XRCC4: variants seen among roughly 807,000 people sequenced by gnomAD.
XRCC4 encodes the protein DNA repair protein XRCC4.
In XRCC4, 28 loss-of-function variants were observed where a neutral mutation model predicts 39.1. The ratio of observed to expected loss-of-function variants is 0.72; its 90% confidence interval spans 0.53 to 0.98. The LOEUF (loss-of-function observed/expected upper bound fraction) is 0.98. Ranked by LOEUF, XRCC4 falls within the 50% of genes least tolerant of loss-of-function variation. XRCC4 has a pLI of 0.00. For missense variants in XRCC4, 350 were observed against 376.4 expected (o/e 0.93, Z 0.58); for synonymous variants, 123 against 126.4 (o/e 0.97, Z 0.18).
At chr5:83,281,742 C>T (rs1165135033) in intron 7 of XRCC4, among the ~76,000 whole-genome samples, 2 of 152,104 alleles carry the variant, frequency 1.3e-5, no homozygotes, top group African/African-American at 4.8e-5. Context: ...TTTTTATGTT[C>T]ATCATTTATA....
At chr5:83,312,148 G>C (rs947312410) in intron 7 of XRCC4, among the ~76,000 whole-genome samples, 1 of 152,164 alleles carries the variant, frequency 6.6e-6, no homozygotes, top group Admixed American at 6.5e-5. Context: ...GACTTTGCTT[G>C]TTGGGGCTAA....
chr5:83,365,512 G>C, the XRCC4 span, among the ~76,000 whole-genome samples: 9 of 152,150 alleles, frequency 5.9e-5, no homozygotes, highest in Non-Finnish European at 1.5e-5. Flanking sequence ...TCATGGGAAA[G>C]CGTGATGTCT....
In XRCC4 at chr5:83,112,546, G is replaced by A. The variant is rs28383157; in HGVS notation, c.315+1343G>A. On this transcript the variant is annotated intron_variant, in intron 3 of 7. Coordinates refer to ENST00000396027, the MANE Select transcript of XRCC4 (RefSeq NM_003401.5). ...AAATTTTTGACATGCTAAAAGACGG[G>A]GCTTGGTACAGTTGGCATGTATATT... 2.5e-3 allele frequency among the ~76,000 whole-genome samples: 374 copies of A among 152,234 alleles called. 2 individuals carry two copies. Among genetic ancestry groups the A allele is most frequent in the African/African-American group, 8.6e-3 (357 of 41,548 alleles).
intron 3 of XRCC4, among the ~76,000 whole-genome samples, chr5:83,177,087 T>G (rs1406352416): frequency 6.6e-6 from 1 of 152,242 alleles, no homozygotes; most frequent in East Asian, 1.9e-4. Context: ...TTATCAATTT[T>G]CTATTTGTAA....
At chr5:83,156,724 A>G (rs1168579983) in intron 3 of XRCC4, among the ~76,000 whole-genome samples, 1 of 152,152 alleles carries the variant, frequency 6.6e-6, no homozygotes, top group Non-Finnish European at 1.5e-5. Flanking sequence ...TGCAAAGCCA[A>G]GAATAGTAGA....
At chr5:83,110,947 A>G (rs1355839124) in intron 2 of XRCC4, 81 bp from the exon 3 acceptor site, 13 of 1,274,304 alleles carry the variant, frequency 1.0e-5, no homozygotes, top group Non-Finnish European at 1.4e-5. Context: ...GTGATAAATT[A>G]GTACTAACAG....
At chr5:83,103,288 A>T (rs575863794) in intron 1 of XRCC4, among the ~76,000 whole-genome samples, 1 of 152,122 alleles carries the variant, frequency 6.6e-6, no homozygotes, top group East Asian at 1.9e-4. Flanking sequence ...GTTGCAAAGT[A>T]CTTAACAAAT....
At chr5:83,359,843 AT>A in the XRCC4 span, among the ~76,000 whole-genome samples, 1 of 152,178 alleles carries the variant, frequency 6.6e-6, no homozygotes, top group Non-Finnish European at 1.5e-5. Flanking sequence ...GGAAAATAAA[AT>A]CAATTTTATA....
intron 7 of XRCC4, among the ~76,000 whole-genome samples, chr5:83,274,957 A>G (rs146729911): frequency 5.9e-5 from 9 of 152,332 alleles, no homozygotes; most frequent in African/African-American, 2.2e-4. Context: ...GTAAGGAGTT[A>G]TCACTGTGTG....
chr5:83,241,296 A>G (rs1752899457), intron 6 of XRCC4, among the ~76,000 whole-genome samples: 1 of 151,926 alleles, frequency 6.6e-6, no homozygotes, highest in Non-Finnish European at 1.5e-5. Flanking sequence ...GAAAATAAAG[A>G]TTTTAGTTGT....
intron 1 of XRCC4, among the ~76,000 whole-genome samples, chr5:83,079,964 G>A (rs930423440): frequency 2.6e-5 from 4 of 152,162 alleles, no homozygotes; most frequent in Non-Finnish European, 4.4e-5. Flanking sequence ...GTGCACAGGT[G>A]TCCTCAGTGT....
intron 6 of XRCC4, among the ~76,000 whole-genome samples, chr5:83,254,088 T>A (rs551126866): frequency 2.3e-4 from 34 of 150,536 alleles, no homozygotes; most frequent in Admixed American, 6.6e-4. Context: ...TTTGTTTTTT[T>A]TTTTTTCTTT....
At chr5:83,346,346 G>A (rs1756916451) in intron 7 of XRCC4, among the ~76,000 whole-genome samples, 1 of 152,128 alleles carries the variant, frequency 6.6e-6, no homozygotes, top group African/African-American at 2.4e-5. Flanking sequence ...GCAGTGACCT[G>A]ACCAAAATTT....
chr5:83,293,176 T>C (rs28360276), intron 7 of XRCC4, among the ~76,000 whole-genome samples: 3,668 of 152,076 alleles, frequency 0.024, 138 homozygotes, highest in African/African-American at 0.083. Context: ...AACCCTGTAG[T>C]AGACATTCTT....
chr5:83,161,395 G>A (rs951856952), intron 3 of XRCC4, among the ~76,000 whole-genome samples: 1 of 152,146 alleles, frequency 6.6e-6, no homozygotes, highest in African/African-American at 2.4e-5. Context: ...GCCTCCCAAA[G>A]TGCTAGGATT....
intron 6 of XRCC4, among the ~76,000 whole-genome samples, chr5:83,232,501 A>G (rs1450409863): frequency 1.3e-5 from 2 of 152,066 alleles, no homozygotes; most frequent in Non-Finnish European, 2.9e-5. Flanking sequence ...CCAAAAAACT[A>G]CAAGAGCAGG....
intron 6 of XRCC4, among the ~76,000 whole-genome samples, chr5:83,248,829 A>C (rs895096501): frequency 4.6e-5 from 7 of 152,202 alleles, no homozygotes; most frequent in Non-Finnish European, 8.8e-5. Context: ...CATTTAAAAA[A>C]TAAAAACCTT....
At chr5:83,320,805 T>G (rs535726749) in intron 7 of XRCC4, among the ~76,000 whole-genome samples, 1 of 147,560 alleles carries the variant, frequency 6.8e-6, no homozygotes, top group East Asian at 2.0e-4. Context: ...AGTTATGTAC[T>G]TCTTTTTTTT....
At chr5:83,192,841 G>T (rs1305021756) in intron 3 of XRCC4, among the ~76,000 whole-genome samples, 1 of 152,112 alleles carries the variant, frequency 6.6e-6, no homozygotes, top group East Asian at 1.9e-4. Context: ...TTCTGGCTGT[G>T]CTGTACCATT....
Sources: gnomAD v4.1 joint callset for allele counts (sites outside exome capture counted in the v4.1 genomes callset) on GRCh38, gnomAD v4.1.1 for gene constraint, MANE v1.5 for transcripts, NCBI Gene and HGNC (gene_info 2026-07-23, HGNC 2026-07-21) for gene names.